The following PPP1R14C variants were observed in gnomAD, a reference collection of about 807,000 sequenced individuals.
PPP1R14C encodes the protein protein phosphatase 1 regulatory inhibitor subunit 14C.
PPP1R14C carries 16 observed loss-of-function variants against 20.4 expected under a neutral mutation model. The observed-to-expected ratio is 0.78, with a 90% CI of 0.53 to 1.19. The LOEUF (loss-of-function observed/expected upper bound fraction) is 1.19, where lower values mean the gene tolerates loss of function less well. Among genes scored for constraint, PPP1R14C ranks in the 50% most tolerant of loss-of-function variants. PPP1R14C has a pLI of 0.00. For synonymous variants in PPP1R14C, 91 were observed against 91.0 expected, an observed-to-expected ratio of 1.00 and a Z score of 0.00; for missense variants, 211 against 220.1, an observed-to-expected ratio of 0.96 and a Z score of 0.26.
chr6:150,233,872 G>T (rs76396321), intron 3 of PPP1R14C, among the ~76,000 whole-genome samples: 1 of 152,210 alleles, frequency 6.6e-6, no homozygotes, highest in African/African-American at 2.4e-5. Context: ...AACCAGCCCT[G>T]CAAAGGAAGG....
chr6:150,194,341 T>G (rs1323885505), intron 1 of PPP1R14C, among the ~76,000 whole-genome samples: 1 of 152,220 alleles, frequency 6.6e-6, no homozygotes, highest in East Asian at 1.9e-4. Flanking sequence ...TTCAAAACAC[T>G]TATAAGGATT....
At chr6:150,158,401 A>T (rs1777328289) in intron 1 of PPP1R14C, among the ~76,000 whole-genome samples, 1 of 152,192 alleles carries the variant, frequency 6.6e-6, no homozygotes, top group Non-Finnish European at 1.5e-5. Flanking sequence ...AATTTAATCA[A>T]CACTCCAGAA....
chr6:150,212,720 A>G (rs1029840709), intron 1 of PPP1R14C, among the ~76,000 whole-genome samples: 2 of 152,242 alleles, frequency 1.3e-5, no homozygotes, highest in Non-Finnish European at 2.9e-5. Flanking sequence ...CAGTGGTCCC[A>G]TAAGATTATA....
intron 3 of PPP1R14C, among the ~76,000 whole-genome samples, chr6:150,225,226 C>T (rs769510272): frequency 1.6e-4 from 25 of 152,118 alleles, no homozygotes; most frequent in Non-Finnish European, 3.5e-4. Context: ...CTTTTTATCT[C>T]GTCCTGCTGG....
At chr6:150,247,792 CAGA>C (rs1193973752) in intron 3 of PPP1R14C, among the ~76,000 whole-genome samples, 6 of 152,202 alleles carry the variant, frequency 3.9e-5, no homozygotes, top group Non-Finnish European at 5.9e-5. Context: ...GGGAGCTTGT[CAGA>C]AATGTACCTT....
At chr6:150,210,319 G>A (rs1464534063) in intron 1 of PPP1R14C, among the ~76,000 whole-genome samples, 1 of 152,162 alleles carries the variant, frequency 6.6e-6, no homozygotes, top group Admixed American at 6.5e-5. Flanking sequence ...CTCAGAACCT[G>A]GATCTTATCT....
At chr6:150,149,297 A>ATGTGTGTG (rs1275725621) in intron 1 of PPP1R14C, among the ~76,000 whole-genome samples, 2 of 106,626 alleles carry the variant, frequency 1.9e-5, no homozygotes, top group African/African-American at 8.7e-5. Context: ...TTCTCCATAC[A>ATGTGTGTG]TATGTGTGTG....
chr6:150,191,008 G>T (rs565989342), intron 1 of PPP1R14C, among the ~76,000 whole-genome samples: 4 of 152,248 alleles, frequency 2.6e-5, no homozygotes, highest in Non-Finnish European at 5.9e-5. Context: ...TACCCACACG[G>T]TTACCTCTCT....
intron 2 of PPP1R14C, among the ~76,000 whole-genome samples, chr6:150,215,951 G>C (rs1778086228): frequency 6.6e-6 from 1 of 152,184 alleles, no homozygotes; most frequent in African/African-American, 2.4e-5. Context: ...GTGTGTGCAT[G>C]CGCGTGTGCA....
chr6:150,174,015 T>TCCCCCCC (rs571196400), intron 1 of PPP1R14C, among the ~76,000 whole-genome samples: 9 of 92,720 alleles, frequency 9.7e-5, no homozygotes, highest in Middle Eastern at 6.5e-3. Flanking sequence ...CACCTCTCCC[T>TCCCCCCC]CCCCCCCACC....
chr6:150,227,202 T>C (rs990664385), intron 3 of PPP1R14C, among the ~76,000 whole-genome samples: 15 of 152,210 alleles, frequency 9.9e-5, no homozygotes, highest in Admixed American at 7.9e-4. Context: ...AGGAAAACCA[T>C]GTGATGACTG....
At chr6:150,174,329 C>G (rs1298027475) in intron 1 of PPP1R14C, among the ~76,000 whole-genome samples, 4 of 152,080 alleles carry the variant, frequency 2.6e-5, no homozygotes, top group Non-Finnish European at 5.9e-5. Context: ...ACACCATTCT[C>G]CTGCCTCAGC....
intron 1 of PPP1R14C, among the ~76,000 whole-genome samples, chr6:150,187,138 G>A (rs1228627499): frequency 6.6e-6 from 1 of 151,942 alleles, no homozygotes; most frequent in Non-Finnish European, 1.5e-5. Context: ...ACCATGCCCA[G>A]CAAATTTTTG....
intron 1 of PPP1R14C, among the ~76,000 whole-genome samples, chr6:150,153,113 C>G (rs1274259912): frequency 6.6e-6 from 1 of 152,212 alleles, no homozygotes; most frequent in Non-Finnish European, 1.5e-5. Flanking sequence ...CCTCCAGCCT[C>G]TAGAACTGTG....
At position 150,143,216 on chromosome 6, in the gene PPP1R14C, C is replaced by T. The variant is rs972550461; in HGVS notation, c.24C>T (p.Ser8=). The T allele has an allele frequency of 1.2e-5, 17 of 1,364,388 alleles. No individual in the cohort carries two copies. The highest frequency in any genetic ancestry group is 4.6e-5 in the African/African-American group (3 of 64,736). The allele number at this position is 1,364,388 out of a possible 1,614,324, so 84.5% of individuals were successfully genotyped here. Residue 8 remains serine, a synonymous_variant, in exon 1 of 4, where the codon AGC becomes AGT. Transcript: ENST00000361131. The surrounding 1 kb of genome is among the most constrained non-coding windows in gnomAD (Gnocchi z 5.6). MSVATGS[S]ETAGGASGGG... The stretch of plus-strand genomic sequence containing the variant: ...ACATGTCGGTGGCGACGGGCAGCAG[C>T]GAGACGGCCGGCGGGGCCAGCGGCG...
intron 1 of PPP1R14C, among the ~76,000 whole-genome samples, chr6:150,159,746 G>T (rs1478126674): frequency 1.3e-4 from 20 of 152,010 alleles, no homozygotes. Context: ...ACATATGTTA[G>T]AATTATACAT....
At chr6:150,195,218 A>G (rs1453313874) in intron 1 of PPP1R14C, 3 of 955,908 alleles carry the variant, frequency 3.1e-6, no homozygotes, top group Non-Finnish European at 3.7e-6. Flanking sequence ...TATTCACTCA[A>G]TAACAAATTG....
rs776185358 is a variant in PPP1R14C at position 150,184,543 on chromosome 6, C to A, written c.307-30201C>A. The stretch of plus-strand genomic sequence containing the variant: ...AACATATCCCTTTTGTCCCCTCCCC[C>A]ACCCCATCCTCTTCATGGCCACATG... On this transcript the variant is annotated intron_variant, in intron 1 of 3. Transcript: ENST00000361131. Among the ~76,000 whole-genome samples, 77 of 152,138 alleles carry A rather than the reference C, an allele frequency of 5.1e-4. 1 individual carries two copies. The highest frequency in any genetic ancestry group is 1.9e-3 in the African/African-American group (77 of 41,430).
intron 1 of PPP1R14C, among the ~76,000 whole-genome samples, chr6:150,144,733 T>C (rs981374013): frequency 2.0e-5 from 3 of 152,238 alleles, no homozygotes; most frequent in African/African-American, 7.2e-5. Flanking sequence ...TACTGATAAA[T>C]GATTATAATA....
Sources: allele counts gnomAD v4.1 joint callset (sites outside exome capture counted in the v4.1 genomes callset), GRCh38; gene constraint gnomAD v4.1.1; non-coding constraint Gnocchi (gnomAD v3.1); transcripts MANE v1.5; gene names NCBI Gene and HGNC (gene_info 2026-07-23, HGNC 2026-07-21).